Variants in NRXN3 observed in about 807,000 individuals in gnomAD.
NRXN3 encodes the protein neurexin 3, also known as neurexin III.
Under a neutral mutation model 137.6 loss-of-function variants are expected in NRXN3, and 32 were observed. The ratio of observed to expected loss-of-function variants is 0.23; its 90% CI spans 0.18 to 0.31. The LOEUF (loss-of-function observed/expected upper bound fraction) is 0.31, where lower values mean the gene tolerates loss of function less well. NRXN3 is among the 10% of genes least tolerant of loss of function. The pLI is 1.00. For missense variants in NRXN3, 1,574 were observed against 2,062.5 expected, an observed-to-expected ratio of 0.76 and a Z score of 4.59; for synonymous variants, 798 against 784.5, an observed-to-expected ratio of 1.02 and a Z score of -0.29.
At position 78,800,567 on chromosome 14, in the gene NRXN3, C is replaced by T. The variant is rs376483646; in HGVS notation, c.2045-3053C>T. On this transcript the variant is annotated intron_variant, in intron 8 of 20. Transcript: ENST00000335750. ...CAACTGTCACACTTTTATCTGTAAT[C>T]GCTTTATAGTTTGCAAATTGTAATG... 2.4e-3 allele frequency among the ~76,000 whole-genome samples: 364 copies of T among 152,238 alleles called. 2 individuals are homozygous for T. The highest frequency in any genetic ancestry group is 4.0e-3 in the Non-Finnish European group (269 of 68,016).
intron 15 of NRXN3, among the ~76,000 whole-genome samples, chr14:79,282,349 C>G (rs1379497372): frequency 6.6e-6 from 1 of 152,094 alleles, no homozygotes; most frequent in Non-Finnish European, 1.5e-5. Context: ...AAATGATCAG[C>G]AGGGAGAGGA....
intron 3 of NRXN3, among the ~76,000 whole-genome samples, chr14:78,292,791 C>A (rs1017601034): frequency 5.3e-5 from 8 of 152,124 alleles, no homozygotes; most frequent in Admixed American, 2.0e-4. Flanking sequence ...CCCGTTTTAG[C>A]CTGTGCCTTT....
chr14:79,350,733 A>G (rs148283259), intron 15 of NRXN3, among the ~76,000 whole-genome samples: 46 of 152,224 alleles, frequency 3.0e-4, no homozygotes, highest in African/African-American at 9.9e-4. Flanking sequence ...AATCGGGGCC[A>G]TCTCTGAGCT....
At chr14:79,195,042 A>G (rs1417443777) in intron 15 of NRXN3, among the ~76,000 whole-genome samples, 2 of 151,950 alleles carry the variant, frequency 1.3e-5, no homozygotes, top group Non-Finnish European at 2.9e-5. Flanking sequence ...AGAGTTAGTC[A>G]TGGATGGCTC....
At chr14:78,298,893 C>G (rs2076612925) in intron 4 of NRXN3, among the ~76,000 whole-genome samples, 1 of 152,230 alleles carries the variant, frequency 6.6e-6, no homozygotes, top group Admixed American at 6.5e-5. Flanking sequence ...TTCCCCTCCC[C>G]TGCTCCCTGA....
intron 10 of NRXN3, among the ~76,000 whole-genome samples, chr14:78,931,802 C>A (rs1203046242): frequency 1.3e-5 from 2 of 152,100 alleles, no homozygotes; most frequent in Non-Finnish European, 2.9e-5. Flanking sequence ...GTCTTAGGAA[C>A]ACTGAAGTAC....
chr14:79,208,345 A>G (rs1224714227), intron 15 of NRXN3, among the ~76,000 whole-genome samples: 1 of 152,198 alleles, frequency 6.6e-6, no homozygotes, highest in Non-Finnish European at 1.5e-5. Flanking sequence ...ATTAGGCTCT[A>G]TGCCATCATG....
intron 15 of NRXN3, among the ~76,000 whole-genome samples, chr14:79,052,855 T>G (rs1056150310): frequency 6.6e-6 from 1 of 152,300 alleles, no homozygotes; most frequent in Admixed American, 6.5e-5. Flanking sequence ...ATGGCTCTCA[T>G]ACCCTGATGT....
chr14:79,765,631 T>C (rs764143020), intron 19 of NRXN3, among the ~76,000 whole-genome samples: 2 of 152,224 alleles, frequency 1.3e-5, no homozygotes, highest in Non-Finnish European at 2.9e-5. Flanking sequence ...CATCACCCTG[T>C]CTCTCATTCA....
intron 15 of NRXN3, among the ~76,000 whole-genome samples, chr14:79,027,986 A>G (rs2099601317): frequency 6.6e-6 from 1 of 152,086 alleles, no homozygotes; most frequent in South Asian, 2.1e-4. Context: ...TACTAGATTT[A>G]TTTTTTCTAA....
chr14:78,821,908 A>T (rs1199350797), intron 10 of NRXN3, among the ~76,000 whole-genome samples: 1 of 152,210 alleles, frequency 6.6e-6, no homozygotes, highest in African/African-American at 2.4e-5. Flanking sequence ...CTTTCCGGTC[A>T]TCATAAATAG....
chr14:78,868,748 G>A (rs2099093831), intron 10 of NRXN3, among the ~76,000 whole-genome samples: 1 of 152,062 alleles, frequency 6.6e-6, no homozygotes, highest in Non-Finnish European at 1.5e-5. Context: ...TTGAACCTGG[G>A]AGGAGGAGGT....
intron 8 of NRXN3, among the ~76,000 whole-genome samples, chr14:78,762,075 G>T (rs963128476): frequency 2.0e-5 from 3 of 152,156 alleles, no homozygotes; most frequent in African/African-American, 7.2e-5. Context: ...TTGACACTCA[G>T]ATCTCTTACT....
chr14:78,897,350 T>G (rs185645806), intron 10 of NRXN3, among the ~76,000 whole-genome samples: 81 of 151,888 alleles, frequency 5.3e-4, no homozygotes, highest in African/African-American at 1.9e-3. Context: ...AGATATTGCT[T>G]TTTTTTTCTT....
chr14:78,520,971 C>G (rs10467835), intron 4 of NRXN3, among the ~76,000 whole-genome samples: 1 of 152,146 alleles, frequency 6.6e-6, no homozygotes, highest in Admixed American at 6.5e-5. Flanking sequence ...GCTTTCTCCC[C>G]GGTCAGATTT....
intron 15 of NRXN3, among the ~76,000 whole-genome samples, chr14:79,216,817 C>T (rs562502471): frequency 2.0e-5 from 3 of 152,178 alleles, no homozygotes; most frequent in South Asian, 4.2e-4. Context: ...TATAAAGGAA[C>T]ACCTGAGGCT....
intron 10 of NRXN3, among the ~76,000 whole-genome samples, chr14:78,866,974 T>G (rs1219316128): frequency 3.9e-5 from 6 of 151,904 alleles, no homozygotes; most frequent in Non-Finnish European, 8.8e-5. Context: ...ATTTTTTGTA[T>G]TTTTAGTAGA....
chr14:78,357,794 G>A (rs1450230124), intron 4 of NRXN3, among the ~76,000 whole-genome samples: 2 of 152,194 alleles, frequency 1.3e-5, no homozygotes, highest in African/African-American at 4.8e-5. Flanking sequence ...ATGATATGGT[G>A]AATATGGTCA....
intron 17 of NRXN3, among the ~76,000 whole-genome samples, chr14:79,691,501 C>T: frequency 6.6e-6 from 1 of 151,906 alleles, no homozygotes; most frequent in East Asian, 1.9e-4. Context: ...TTTGAGTTTC[C>T]TTATTTTTAA....
Sources: gnomAD v4.1 joint callset for allele counts (sites outside exome capture counted in the v4.1 genomes callset) on GRCh38, gnomAD v4.1.1 for gene constraint, MANE v1.5 for transcripts, NCBI Gene and HGNC (gene_info 2026-07-23, HGNC 2026-07-21) for gene names.